The following KLHDC4 variants were observed in gnomAD, a reference collection of about 807,000 sequenced individuals.
The protein encoded by KLHDC4 is kelch domain containing 4, also known as kelch domain-containing protein 4.
Under a neutral mutation model 62.4 loss-of-function variants are expected in KLHDC4, and 90 were observed. The observed-to-expected ratio is 1.44, with a 90% CI of 1.22 to 1.72. The LOEUF is 1.72. KLHDC4 is among the 40% of genes most tolerant of loss of function. KLHDC4 has a pLI of 0.00. For missense variants in KLHDC4, 1,025 were observed against 699.7 expected (o/e 1.47, Z -5.25); for synonymous variants, 386 against 284.4 (o/e 1.36, Z -3.59).
intron 7 of KLHDC4, among the ~76,000 whole-genome samples, chr16:87,718,739 G>C (rs1347426559): frequency 6.7e-6 from 1 of 149,888 alleles, no homozygotes; most frequent in Admixed American, 6.6e-5. Context: ...TGGGAAGTGA[G>C]GAGCGCCTCT....
chr16:87,745,659 C>A (rs1356490182), intron 5 of KLHDC4, among the ~76,000 whole-genome samples: 1 of 152,188 alleles, frequency 6.6e-6, no homozygotes, highest in Non-Finnish European at 1.5e-5. Flanking sequence ...AGCGTTCACT[C>A]GCACTGAAGG....
intron 1 of KLHDC4, 150 bp downstream of exon 1, chr16:87,765,642 G>T: frequency 1.5e-6 from 1 of 677,126 alleles, no homozygotes. Flanking sequence ...CTGCCCGGAC[G>T]CGGCGCCGGG....
chr16:87,735,547 G>A (rs1436135755), intron 5 of KLHDC4, among the ~76,000 whole-genome samples: 3 of 152,132 alleles, frequency 2.0e-5, no homozygotes, highest in African/African-American at 4.8e-5. Context: ...CTGACACAAC[G>A]GACTCAATTA....
chr16:87,749,810 A>G (rs186021915), intron 4 of KLHDC4, among the ~76,000 whole-genome samples: 1 of 152,284 alleles, frequency 6.6e-6, no homozygotes. Flanking sequence ...TCCTGGCTTT[A>G]GTCAATTCTC....
rs116192815 is a variant in KLHDC4 at position 87,701,747 on chromosome 16, G to A, written c.768C>T (p.Gly256=). Residue 256 remains glycine (G), a synonymous_variant, in exon 1 of 1, where the codon GGC becomes GGT. Coordinates refer to the KLHDC4 transcript ENST00000446344. ...CCACCTGCTCAGGCCTATGCCGCCC[G>A]CCCGTCCTCCCAAGCGTGCACACCC... 199 of 456,704 alleles carry A rather than the reference G, an allele frequency of 4.4e-4. 1 individual carries two copies. The highest frequency in any genetic ancestry group is 2.6e-3 in the African/African-American group (132 of 50,196). 28.3% of individuals were successfully genotyped at this position (456,704 alleles called of 1,614,324 possible).
At chr16:87,714,457 C>A (rs531500776) in intron 8 of KLHDC4, 41 bp downstream of exon 8, 2 of 1,611,788 alleles carry the variant, frequency 1.2e-6, no homozygotes, top group African/African-American at 1.3e-5. Flanking sequence ...CCGCCACACA[C>A]AGACCAGCCA....
At chr16:87,755,662 G>A (rs1326305798) in intron 3 of KLHDC4, 1 of 191,034 alleles carries the variant, frequency 5.2e-6, no homozygotes. Context: ...CGCCTCCCAG[G>A]TGCAAGTGAT....
intron 7 of KLHDC4, among the ~76,000 whole-genome samples, chr16:87,725,170 C>T (rs752157162): frequency 4.0e-5 from 6 of 149,974 alleles, no homozygotes; most frequent in African/African-American, 7.3e-5. Context: ...CACCTCTGGG[C>T]GGAGGGGAGG....
At chr16:87,731,624 G>A (rs1169826648) in intron 5 of KLHDC4, among the ~76,000 whole-genome samples, 2 of 151,276 alleles carry the variant, frequency 1.3e-5, no homozygotes, top group Non-Finnish European at 2.9e-5. Context: ...GGCTGCTGGA[G>A]CCATGGCACC....
chr16:87,747,296 T>C (rs375958244), intron 5 of KLHDC4, among the ~76,000 whole-genome samples: 10 of 152,274 alleles, frequency 6.6e-5, no homozygotes, highest in African/African-American at 2.4e-4. Context: ...GAACAAGAGA[T>C]ACCAAAGCTG....
chr16:87,720,141 G>A (rs2037971853), intron 7 of KLHDC4, among the ~76,000 whole-genome samples: 1 of 152,184 alleles, frequency 6.6e-6, no homozygotes, highest in Admixed American at 6.5e-5. Context: ...ACACAGGGCC[G>A]CCCCAAGGAC....
intron 5 of KLHDC4, among the ~76,000 whole-genome samples, chr16:87,745,431 G>A (rs966599957): frequency 1.1e-4 from 17 of 152,368 alleles, no homozygotes; most frequent in African/African-American, 3.6e-4. Context: ...CTCCCGGAAC[G>A]TGAGCTCCGC....
chr16:87,700,579 GGGTGGAGGGAGGAGAGAAGA>G (rs1567627057), exon 1 of KLHDC4: 3 of 183,812 alleles, frequency 1.6e-5, no homozygotes, highest in South Asian at 7.4e-5. Context: ...AGAAGGAAGA[GGGTGGAGGGAGGAGAGAAGA>G]GGTGGAGGGA....
At chr16:87,750,872 T>G (rs996407244) in intron 4 of KLHDC4, 2 of 152,274 alleles carry the variant, frequency 1.3e-5, no homozygotes, top group Admixed American at 1.3e-4. Context: ...ACAGAGGACT[T>G]ACCTGTAAAG....
chr16:87,698,647 G>A (rs1478405395), exon 1 of KLHDC4: 1 of 152,278 alleles, frequency 6.6e-6, no homozygotes, highest in East Asian at 1.9e-4. Flanking sequence ...ACTTCCCTGT[G>A]AATTCCAGGA....
chr16:87,729,939 A>G (rs1030885234), intron 6 of KLHDC4, among the ~76,000 whole-genome samples: 3 of 152,188 alleles, frequency 2.0e-5, no homozygotes, highest in African/African-American at 7.2e-5. Context: ...AGGTTTGAGA[A>G]TCCCATTTTA....
intron 5 of KLHDC4, among the ~76,000 whole-genome samples, chr16:87,733,949 AT>A (rs1204141828): frequency 6.6e-6 from 1 of 152,230 alleles, no homozygotes; most frequent in African/African-American, 2.4e-5. Context: ...TATTTAGATA[AT>A]GCATTCTTCC....
At chr16:87,708,714 AC>A (rs1249580777) in intron 10 of KLHDC4, among the ~76,000 whole-genome samples, 1 of 152,222 alleles carries the variant, frequency 6.6e-6, no homozygotes, top group Non-Finnish European at 1.5e-5. Context: ...CGGCTGGCCA[AC>A]GGGGCCTCCT....
chr16:87,744,796 TCTC>T (rs755326220), intron 5 of KLHDC4, among the ~76,000 whole-genome samples: 4 of 152,136 alleles, frequency 2.6e-5, no homozygotes, highest in Non-Finnish European at 5.9e-5. Context: ...CCTTCTCCCT[TCTC>T]CTGTGCACGT....
Sources: gnomAD v4.1 joint callset for allele counts (sites outside exome capture counted in the v4.1 genomes callset) on GRCh38, gnomAD v4.1.1 for gene constraint, MANE v1.5 for transcripts, NCBI Gene and HGNC (gene_info 2026-07-23, HGNC 2026-07-21) for gene names.